Variants in SDK1 observed in about 807,000 individuals in gnomAD.
SDK1 encodes sidekick cell adhesion molecule 1, also known as protein sidekick-1.
SDK1 carries 157 observed loss-of-function variants against 245.5 expected under a neutral mutation model. That is an observed-to-expected ratio of 0.64 (90% CI 0.56 to 0.73). The LOEUF is 0.73. SDK1 is among the 30% of genes least tolerant of loss of function. The pLI, the probability that SDK1 is intolerant of heterozygous loss-of-function variation, is 0.00. For missense variants in SDK1, 3,583 were observed against 3,002.3 expected (o/e 1.19, Z -4.52); for synonymous variants, 1,647 against 1,278.5 (o/e 1.29, Z -6.15).
rs556128656 is a variant in SDK1 at position 3,793,157 on chromosome 7, A to G, written c.714-28293A>G. Among the ~76,000 whole-genome samples the G allele has an allele frequency of 2.0e-5, 3 of 152,292 alleles. No homozygotes were observed. The South Asian group carries it at 6.2e-4, about 32-fold the overall frequency. On this transcript the variant is annotated intron_variant, in intron 4 of 44. Coordinates refer to ENST00000404826, the MANE Select transcript of SDK1 (RefSeq NM_152744.4). ...TACCCAAATGTCCCTTTAAAAAGTT[A>G]TATTTCCATGTAAGGGTTATAATTT...
At chr7:3,535,355 T>C (rs908780274) in intron 1 of SDK1, among the ~76,000 whole-genome samples, 11 of 152,188 alleles carry the variant, frequency 7.2e-5, no homozygotes, top group Non-Finnish European at 1.5e-4. Flanking sequence ...GTAAAACATA[T>C]ACTATTCTAA....
intron 1 of SDK1, among the ~76,000 whole-genome samples, chr7:3,547,420 C>T (rs1168163346): frequency 6.6e-6 from 1 of 152,144 alleles, no homozygotes; most frequent in African/African-American, 2.4e-5. Flanking sequence ...GAGCTCTAGA[C>T]AGTGAAGTGT....
chr7:3,770,204 G>A (rs981478320), intron 4 of SDK1, among the ~76,000 whole-genome samples: 4 of 152,028 alleles, frequency 2.6e-5, no homozygotes, highest in Non-Finnish European at 5.9e-5. Flanking sequence ...TCTCTAAATG[G>A]AGTCATACAA....
At position 3,473,544 on chromosome 7, in the gene SDK1, C is replaced by T. The variant is rs112089390; in HGVS notation, c.299-145536C>T. On this transcript the variant is annotated intron_variant, in intron 1 of 44. Transcript: ENST00000404826. ...GAGAGACCAGCCTCTAGATAGGACT[C>T]TTGCAGTATGTGGGACGTTGGCTGT... Among the ~76,000 whole-genome samples the T allele has an allele frequency of 7.2e-5, 11 of 152,310 alleles. 1 individual carries two copies. The highest frequency in any genetic ancestry group is 1.9e-4 in the East Asian group (1 of 5,184).
In SDK1 at chr7:4,051,787, C is replaced by T. The variant is rs757713520; in HGVS notation, c.2868C>T (p.Asp956=). 3.2e-5 allele frequency: 52 copies of T among 1,613,572 alleles called. No homozygotes were observed. The highest frequency in any genetic ancestry group is 1.0e-4 in the Admixed American group (6 of 59,908). The change falls in exon 19 of 45, where the codon GAC becomes GAT. Residue 956 remains aspartate, a synonymous_variant. Transcript: ENST00000404826. The part of the protein sequence containing the change: ...TSVLCFTTPG[D]GPPSTPQLVW... ...TTCTGTGCTTCACCACCCCTGGGGA[C>T]GGGCCTCCCAGCACACCTCAGCTGG... is the stretch of plus-strand genomic sequence containing the variant.
At chr7:4,006,221 A>G (rs1785477454) in intron 14 of SDK1, among the ~76,000 whole-genome samples, 1 of 152,216 alleles carries the variant, frequency 6.6e-6, no homozygotes, top group South Asian at 2.1e-4. Context: ...CAACAGCTAA[A>G]GCGGGGTTGT....
At chr7:3,482,017 C>A (rs1273149193) in intron 1 of SDK1, among the ~76,000 whole-genome samples, 1 of 141,920 alleles carries the variant, frequency 7.0e-6, no homozygotes, top group East Asian at 2.0e-4. Flanking sequence ...GATTAATAAT[C>A]AAAACATATA....
chr7:3,529,860 G>A (rs1280836734), intron 1 of SDK1, among the ~76,000 whole-genome samples: 1 of 152,124 alleles, frequency 6.6e-6, no homozygotes, highest in Non-Finnish European at 1.5e-5. Context: ...CATCCTTGCT[G>A]ACAAAATTGT....
At chr7:4,102,828 TAACA>T (rs1782645607) in intron 22 of SDK1, among the ~76,000 whole-genome samples, 1 of 151,966 alleles carries the variant, frequency 6.6e-6, no homozygotes, top group Non-Finnish European at 1.5e-5. Context: ...CCCGTGGGTA[TAACA>T]GACAGACAGC....
intron 1 of SDK1, among the ~76,000 whole-genome samples, chr7:3,566,654 G>C (rs1192571661): frequency 6.6e-6 from 1 of 151,538 alleles, no homozygotes; most frequent in African/African-American, 2.4e-5. Flanking sequence ...AATGATGTAG[G>C]TGTATGGAAT....
At chr7:3,927,268 G>A (rs1461521175) in intron 5 of SDK1, among the ~76,000 whole-genome samples, 3 of 152,146 alleles carry the variant, frequency 2.0e-5, no homozygotes, top group Admixed American at 2.0e-4. Flanking sequence ...CAACCATATT[G>A]CTAATTGAAA....
intron 1 of SDK1, among the ~76,000 whole-genome samples, chr7:3,399,151 A>T (rs1281518671): frequency 4.6e-5 from 7 of 150,934 alleles, no homozygotes; most frequent in Admixed American, 4.6e-4. Context: ...TTTTTTTTTC[A>T]TAATTTATTC....
rs1392304206 is a variant in SDK1 at position 4,237,733 on chromosome 7, T to A, written c.6079T>A (p.Phe2027Ile). The A allele has an allele frequency of 6.2e-7, 1 of 1,614,184 alleles. No individual in the cohort carries two copies. Among genetic ancestry groups the A allele is most frequent in the South Asian group, 1.1e-5 (1 of 91,080 alleles). The part of the protein sequence containing the change: ...SSLIVILLVV[F>I]ALVLHGQNKK... ...CCTGATCGTCATCCTGCTGGTGGTG[T>A]TCGCCCTCGTCCTGCACGGGCAGAA... The change falls in exon 42 of 45, where the codon TTC (phenylalanine) becomes ATC (isoleucine). Residue 2027 changes from phenylalanine (F) to isoleucine (I), a missense_variant. Coordinates refer to ENST00000404826, the MANE Select transcript of SDK1 (RefSeq NM_152744.4).
At chr7:3,360,356 G>C (rs1483862320) in intron 1 of SDK1, among the ~76,000 whole-genome samples, 2 of 152,316 alleles carry the variant, frequency 1.3e-5, no homozygotes, top group East Asian at 1.9e-4. Flanking sequence ...ATTCTCATCA[G>C]ACAGGTGCAA....
chr7:4,073,546 G>T (rs1053234040), intron 20 of SDK1, among the ~76,000 whole-genome samples: 1 of 152,218 alleles, frequency 6.6e-6, no homozygotes, highest in Admixed American at 6.5e-5. Context: ...AGTAAATTCT[G>T]ATGAAAAACA....
chr7:3,583,766 A>G (rs918524877), intron 1 of SDK1, among the ~76,000 whole-genome samples: 1 of 150,764 alleles, frequency 6.6e-6, no homozygotes, highest in Non-Finnish European at 1.5e-5. Flanking sequence ...ACCTGCTTGC[A>G]GGGTCCTGTG....
rs757986888 is a variant in SDK1 at position 4,110,254 on chromosome 7, G to A, written c.3325-409G>A. ...AGCCTGTGCCCACAGCTCTGTCACT[G>A]CTTACCATGGTCCTGGCCAAGTCTT... On this transcript the variant is annotated intron_variant, in intron 22 of 44. Coordinates refer to ENST00000404826, the MANE Select transcript of SDK1 (RefSeq NM_152744.4). 9.8e-5 allele frequency among the ~76,000 whole-genome samples: 15 copies of A among 152,298 alleles called. No homozygotes were observed. The Middle Eastern group carries it at 0.014, about 138-fold the overall frequency.
intron 1 of SDK1, among the ~76,000 whole-genome samples, chr7:3,473,252 G>C (rs900479213): frequency 1.3e-5 from 2 of 152,148 alleles, no homozygotes; most frequent in African/African-American, 4.8e-5. Context: ...GCCTTTCACT[G>C]TACACACTGC....
intron 5 of SDK1, among the ~76,000 whole-genome samples, chr7:3,867,358 A>G (rs1457640928): frequency 6.6e-6 from 1 of 152,212 alleles, no homozygotes. Flanking sequence ...ATAAAAATGC[A>G]GCCCTTTTGA....
Sources: allele counts gnomAD v4.1 joint callset (sites outside exome capture counted in the v4.1 genomes callset), GRCh38; gene constraint gnomAD v4.1.1; transcripts MANE v1.5; gene names NCBI Gene and HGNC (gene_info 2026-07-23, HGNC 2026-07-21).